ANGPT4: variants seen among roughly 807,000 people sequenced by gnomAD.
The protein encoded by ANGPT4 is angiopoietin-4.
ANGPT4 carries 50 observed loss-of-function variants against 53.0 expected under a neutral mutation model. The observed-to-expected ratio is 0.94, with a 90% confidence interval of 0.75 to 1.20. The LOEUF is 1.20. ANGPT4 is among the 50% of genes most tolerant of loss of function. The pLI is 0.00. For missense variants in ANGPT4, 648 were observed against 637.1 expected (o/e 1.02, Z -0.18); for synonymous variants, 251 against 259.7 (o/e 0.97, Z 0.32).
At position 878,159 on chromosome 20, in the gene ANGPT4, ACCT is replaced by A; in HGVS notation, c.1219_1220+1del. 1 of 1,590,356 alleles carries A rather than the reference ACCT, an allele frequency of 6.3e-7. No homozygotes were observed. The highest frequency in any genetic ancestry group is 1.3e-5 in the African/African-American group (1 of 74,628). ...CCACAACGGCCTGGGCCCCGAACCCACCTGTATAGCTGGTTCTCACTGCCCAGG... is the reference window on the plus strand; with the variant it reads ...CCACAACGGCCTGGGCCCCGAACCCAGTATAGCTGGTTCTCACTGCCCAGG... On this transcript the variant is annotated splice_donor_variant and coding_sequence_variant, in exon 7 of 9. Coordinates refer to ENST00000381922, the MANE Select transcript of ANGPT4 (RefSeq NM_015985.4). LOFTEE classifies it high-confidence loss of function.
chr20:888,233 C>G (rs1981689093), intron 3 of ANGPT4, 85 bp downstream of exon 3: 5 of 1,513,768 alleles, frequency 3.3e-6, no homozygotes, highest in Non-Finnish European at 4.4e-6. Flanking sequence ...CCAGTCCTAG[C>G]CCTGGCTCTG....
chr20:906,072 A>ATGCTT (rs1461935057), intron 1 of ANGPT4, among the ~76,000 whole-genome samples: 1 of 152,222 alleles, frequency 6.6e-6, no homozygotes, highest in East Asian at 1.9e-4. Context: ...CCTGGTGCTC[A>ATGCTT]TGCCCTTGTG....
At chr20:901,191 G>A (rs1016207163) in intron 1 of ANGPT4, among the ~76,000 whole-genome samples, 6 of 152,044 alleles carry the variant, frequency 3.9e-5, no homozygotes, top group African/African-American at 1.4e-4. Context: ...CCACTATTTT[G>A]TTTTGTTTTT....
chr20:913,109 G>C (rs780499651), intron 1 of ANGPT4, among the ~76,000 whole-genome samples: 17 of 152,150 alleles, frequency 1.1e-4, no homozygotes, highest in Admixed American at 2.0e-4. Flanking sequence ...CTGAGAGCTT[G>C]TTCATCCCTA....
rs766613093 is a variant in ANGPT4 at position 873,111 on chromosome 20, A to G, written c.1361T>C (p.Phe454Ser). The change falls in exon 9 of 9, where the codon TTT becomes TCT. Residue 454 changes from phenylalanine (F) to serine (S), a missense_variant. Transcript: ENST00000381922. ...GAGGTTTGACAGGCCACAGGCGTCA[A>G]ACCACCACCCTGGTGGAAGAGGGAG... Reference protein sequence around the residue: ...CAQVMSGGWWFDACGLSNLNG... With the variant: ...CAQVMSGGWWSDACGLSNLNG... 1.7e-5 allele frequency: 28 copies of G among 1,613,686 alleles called. No homozygotes were observed. The South Asian group carries it at 3.0e-4, about 17-fold the overall frequency.
Position 885,280 on chromosome 20 carries a change from C to A in ANGPT4, c.633G>T (p.Glu211Asp), listed in dbSNP as rs1981575206. The A allele has an allele frequency of 6.3e-7, 1 of 1,583,376 alleles. No individual in the cohort carries two copies. Among genetic ancestry groups the A allele is most frequent in the Non-Finnish European group, 8.6e-7 (1 of 1,166,552 alleles). The change falls in exon 4 of 9, where the codon GAG (glutamate) becomes GAT (aspartate). Residue 211 changes from glutamate to aspartate, a missense_variant. Transcript: ENST00000381922. ...TCTTGCTGAGGATGCTGGCCAGCTC[C>A]TCCTGCTGCTTGGTCTCCAGGGCCT... is the stretch of plus-strand genomic sequence containing the variant. ...RLQALETKQQ[E>D]ELASILSKKA...
Position 874,284 on chromosome 20 carries a change from C to T in ANGPT4, c.1351G>A (p.Gly451Arg), listed in dbSNP as rs750217286. 3 of 1,613,998 alleles carry T rather than the reference C, an allele frequency of 1.9e-6. No homozygotes were observed. The South Asian group carries it at 3.3e-5, about 18-fold the overall frequency. The change falls in exon 8 of 9, where the codon GGG becomes AGG. Residue 451 changes from glycine to arginine, a missense_variant and splice_region_variant. Gly to Arg is a moderately radical substitution (Grantham distance 125). Coordinates refer to ENST00000381922, the MANE Select transcript of ANGPT4 (RefSeq NM_015985.4). The stretch of plus-strand genomic sequence containing the variant: ...GAGCTTCACCCCACCCTGCACCTAC[C>T]TCCAGACATCACTTGGGCACACTTG... ...LCKCAQVMSG[G>R]WWFDACGLSN...
intron 4 of ANGPT4, among the ~76,000 whole-genome samples, chr20:884,721 G>A (rs1471196645): frequency 6.6e-6 from 1 of 152,160 alleles, no homozygotes; most frequent in Non-Finnish European, 1.5e-5. Flanking sequence ...GAGGCCCAGG[G>A]AGGGGTAGGA....
At chr20:898,266 C>T (rs548108084) in intron 1 of ANGPT4, among the ~76,000 whole-genome samples, 2 of 152,274 alleles carry the variant, frequency 1.3e-5, no homozygotes, top group African/African-American at 4.8e-5. Flanking sequence ...CTTCTATCAC[C>T]TCCCCTGCTC....
At chr20:907,219 C>A (rs1057240999) in intron 1 of ANGPT4, among the ~76,000 whole-genome samples, 2 of 152,184 alleles carry the variant, frequency 1.3e-5, no homozygotes, top group Admixed American at 6.5e-5. Flanking sequence ...TAGTGCCTCC[C>A]ATATTTGTGG....
In ANGPT4 at chr20:908,999, G is replaced by C. The variant is rs1982594176; in HGVS notation, c.309+6907C>G. ...TGAGTCACTCCCTTGCCCAGGCTTA[G>C]TGTTCCCATCTGTAAATGGTGGGCA... On this transcript the variant is annotated intron_variant, in intron 1 of 8. Transcript: ENST00000381922. This position sits in a 1 kb window ranked among gnomAD's most constrained non-coding sequence, Gnocchi z 4.9. Among the ~76,000 whole-genome samples, 1 of 152,138 alleles carries C rather than the reference G, an allele frequency of 6.6e-6. No individual in the cohort carries two copies. Among genetic ancestry groups the C allele is most frequent in the Non-Finnish European group, 1.5e-5 (1 of 68,016 alleles).
At chr20:903,401 C>A (rs533064072) in intron 1 of ANGPT4, among the ~76,000 whole-genome samples, 1 of 152,302 alleles carries the variant, frequency 6.6e-6, no homozygotes, top group African/African-American at 2.4e-5. Context: ...AACCTTGCCA[C>A]TTCCACCCCA....
chr20:888,309 C>T lies in ANGPT4; in HGVS notation c.587+9G>A, dbSNP rs1258274616. ...CCTGTCCTAGTCTGGTGCCAGGTGC[C>T]ACACCCACCTGTTTTGGCCCTGAAG... On this transcript the variant is annotated intron_variant, in intron 3 of 8. Coordinates refer to ENST00000381922, the MANE Select transcript of ANGPT4 (RefSeq NM_015985.4). The T allele has an allele frequency of 1.2e-6, 2 of 1,611,516 alleles. No individual in the cohort carries two copies. Among genetic ancestry groups the T allele is most frequent in the South Asian group, 2.2e-5 (2 of 90,756 alleles).
intron 6 of ANGPT4, among the ~76,000 whole-genome samples, chr20:879,432 G>T (rs374881086): frequency 1.4e-4 from 21 of 152,070 alleles, no homozygotes; most frequent in East Asian, 1.2e-3. Context: ...ACGCAGTCAG[G>T]GTTGACTGGG....
In ANGPT4 at chr20:878,247, CAG is replaced by C. The variant is rs1981250558; in HGVS notation, c.1132_1133del (p.Leu378AlafsTer24). The C allele has an allele frequency of 1.2e-6, 2 of 1,613,396 alleles. No homozygotes were observed. The highest frequency in any genetic ancestry group is 8.5e-7 in the Non-Finnish European group (1 of 1,179,458). On this transcript the variant is annotated frameshift_variant, in exon 7 of 9. Coordinates refer to ENST00000381922, the MANE Select transcript of ANGPT4 (RefSeq NM_015985.4). LOFTEE classifies it high-confidence loss of function. ...CTTCCCAGTCTTGCAGCTCCACACG[CAG>C]AGAGTAGGCTGCCCTTCTGGTGAGC... is the stretch of plus-strand genomic sequence containing the variant. The part of the protein sequence containing the change: ...HQLTRRAAYS[L>X]RVELQDWEGH...
At chr20:887,432 G>A (rs913185456) in intron 3 of ANGPT4, among the ~76,000 whole-genome samples, 8 of 152,154 alleles carry the variant, frequency 5.3e-5, no homozygotes, top group African/African-American at 1.7e-4. Context: ...AGAGAGAGCT[G>A]GGGGATCTTA....
chr20:911,487 G>C lies in ANGPT4; in HGVS notation c.309+4419C>G, dbSNP rs148778930. 1.4e-4 allele frequency among the ~76,000 whole-genome samples: 21 copies of C among 152,294 alleles called. No homozygotes were observed. The highest frequency in any genetic ancestry group is 4.1e-4 in the African/African-American group (17 of 41,550). ...AGGTAGAGGTGGGAGGGATGGCCTTGGGGTGAGAAAAGGAGGAGCTGAGAA... is the reference window on the plus strand; with the variant it reads ...AGGTAGAGGTGGGAGGGATGGCCTTCGGGTGAGAAAAGGAGGAGCTGAGAA... On this transcript the variant is annotated intron_variant, in intron 1 of 8. Transcript: ENST00000381922. This position sits in a 1 kb window ranked among gnomAD's most constrained non-coding sequence, Gnocchi z 4.9.
intron 8 of ANGPT4, among the ~76,000 whole-genome samples, chr20:874,007 C>T (rs1341193705): frequency 6.6e-6 from 1 of 152,142 alleles, no homozygotes. Context: ...GGTGCCTCCC[C>T]CCCGGGGCCC....
rs951582542 is a variant in ANGPT4, at chr20:885,387, C to T, written c.588-62G>A. ...TCCTCGCGAAGCACGCACCCCCGCG[C>T]GCCTCCCCGGCCCTGGAGTCCCTGC... is the stretch of plus-strand genomic sequence containing the variant. On this transcript the variant is annotated intron_variant, in intron 3 of 8. Transcript: ENST00000381922. 6.2e-6 allele frequency: 9 copies of T among 1,453,656 alleles called. No individual in the cohort carries two copies. In the African/African-American group the frequency reaches 1.3e-4, roughly 21 times the overall value. 90.0% of individuals were successfully genotyped at this position (1,453,656 alleles called of 1,614,324 possible).
Sources: gnomAD v4.1 joint callset for allele counts (sites outside exome capture counted in the v4.1 genomes callset) on GRCh38, gnomAD v4.1.1 for gene constraint, Gnocchi (gnomAD v3.1) non-coding constraint, MANE v1.5 for transcripts, NCBI Gene and HGNC (gene_info 2026-07-23, HGNC 2026-07-21) for gene names.